PARD3: variants seen among roughly 807,000 people sequenced by gnomAD.
PARD3 encodes par-3 family cell polarity regulator, also known as partitioning defective 3 homolog.
A neutral mutation model predicts 155.4 loss-of-function variants in PARD3; 75 were observed. That is an observed-to-expected ratio of 0.48 (90% confidence interval 0.40 to 0.58). The LOEUF is 0.58. Among genes scored for constraint, PARD3 ranks in the 20% least tolerant of loss-of-function variants. The pLI is 0.00. For synonymous variants in PARD3, 576 were observed against 610.5 expected (o/e 0.94, Z 0.83); for missense variants, 1,642 against 1,721.7 (o/e 0.95, Z 0.82).
rs567724639 is a variant in PARD3 at position 34,340,762 on chromosome 10, A to G, written c.2408+865T>C. 3.9e-5 allele frequency among the ~76,000 whole-genome samples: 6 copies of G among 152,296 alleles called. No individual in the cohort carries two copies. In the South Asian group the frequency reaches 1.0e-3, roughly 26 times the overall value. On this transcript the variant is annotated intron_variant, in intron 16 of 24. Coordinates refer to ENST00000374788, the MANE Select transcript of PARD3 (RefSeq NM_001184785.2). ...AATGCCAGTCCCCCAGACACCTCCT[A>G]TCTAATATTTAATGTTGACACAAGC... is the stretch of plus-strand genomic sequence containing the variant.
intron 2 of PARD3, among the ~76,000 whole-genome samples, chr10:34,591,634 A>T (rs2088693193): frequency 6.6e-6 from 1 of 152,198 alleles, no homozygotes; most frequent in South Asian, 2.1e-4. Context: ...CAAGATAAAG[A>T]GGAGCCCACC....
intron 2 of PARD3, among the ~76,000 whole-genome samples, chr10:34,606,427 G>T (rs1002231347): frequency 6.6e-6 from 1 of 151,932 alleles, no homozygotes; most frequent in Non-Finnish European, 1.5e-5. Context: ...GCATGCTGTG[G>T]AGCATGATTT....
At chr10:34,196,870 A>C (rs1314686730) in intron 22 of PARD3, among the ~76,000 whole-genome samples, 1 of 152,110 alleles carries the variant, frequency 6.6e-6, no homozygotes, top group Non-Finnish European at 1.5e-5. Context: ...AATGTAGGTA[A>C]GAAGGAGACC....
chr10:34,516,050 A>G (rs1387654074), intron 3 of PARD3, among the ~76,000 whole-genome samples: 2 of 151,868 alleles, frequency 1.3e-5, no homozygotes, highest in East Asian at 3.9e-4. Context: ...TCCATCTCCA[A>G]CCTCCAATCG....
intron 22 of PARD3, among the ~76,000 whole-genome samples, chr10:34,257,159 C>T (rs1954695344): frequency 6.6e-6 from 1 of 152,184 alleles, no homozygotes; most frequent in Non-Finnish European, 1.5e-5. Context: ...AGCTCTAGAA[C>T]ATCTGGGAAG....
chr10:34,552,904 T>A (rs1018837976), intron 2 of PARD3, among the ~76,000 whole-genome samples: 5 of 152,200 alleles, frequency 3.3e-5, no homozygotes, highest in Non-Finnish European at 5.9e-5. Context: ...AAACTGTAAT[T>A]ACTTTTGCAC....
At chr10:34,393,021 C>T (rs763894457) in intron 7 of PARD3, among the ~76,000 whole-genome samples, 8 of 151,642 alleles carry the variant, frequency 5.3e-5, no homozygotes, top group Non-Finnish European at 1.0e-4. Context: ...TGCTTTCATG[C>T]TACAATGGCA....
intron 22 of PARD3, among the ~76,000 whole-genome samples, chr10:34,157,529 T>C (rs1382711354): frequency 2.0e-5 from 3 of 152,234 alleles, no homozygotes; most frequent in Non-Finnish European, 4.4e-5. Context: ...ATTTATATTC[T>C]CTGCACCTCC....
intron 2 of PARD3, among the ~76,000 whole-genome samples, chr10:34,672,179 A>T (rs1438316056): frequency 6.6e-6 from 1 of 152,170 alleles, no homozygotes; most frequent in African/African-American, 2.4e-5. Context: ...TCAAAAAAGA[A>T]TAACCTCTCT....
At chr10:34,265,337 C>G (rs1955247139) in intron 22 of PARD3, among the ~76,000 whole-genome samples, 1 of 152,184 alleles carries the variant, frequency 6.6e-6, no homozygotes. Flanking sequence ...GCCAAATTCA[C>G]CACATTTAAT....
chr10:34,808,790 C>T (rs1042408449), intron 1 of PARD3, among the ~76,000 whole-genome samples: 4 of 152,190 alleles, frequency 2.6e-5, no homozygotes, highest in Non-Finnish European at 5.9e-5. Context: ...AATATTCCCT[C>T]CACAACCAAT....
At chr10:34,227,866 A>ATATATC (rs1318761877) in intron 22 of PARD3, among the ~76,000 whole-genome samples, 3 of 126,238 alleles carry the variant, frequency 2.4e-5, no homozygotes, top group Non-Finnish European at 3.5e-5. Flanking sequence ...TTATATATAT[A>ATATATC]TATATATATA....
At chr10:34,473,456 G>C (rs2078494762) in intron 3 of PARD3, among the ~76,000 whole-genome samples, 1 of 151,994 alleles carries the variant, frequency 6.6e-6, no homozygotes, top group Non-Finnish European at 1.5e-5. Context: ...GGAGGCCAAA[G>C]TGGGAGAATT....
chr10:34,316,326 T>C (rs1297471834), intron 20 of PARD3, among the ~76,000 whole-genome samples: 2 of 152,174 alleles, frequency 1.3e-5, no homozygotes, highest in African/African-American at 4.8e-5. Flanking sequence ...ATGGGAGAGT[T>C]TCAGTGCAAC....
intron 2 of PARD3, among the ~76,000 whole-genome samples, chr10:34,604,777 C>T (rs1018802110): frequency 4.6e-5 from 7 of 151,636 alleles, no homozygotes; most frequent in African/African-American, 1.5e-4. Context: ...CTACTGAATG[C>T]GAATATACGG....
chr10:34,176,585 C>G (rs1014774209), intron 22 of PARD3, among the ~76,000 whole-genome samples: 1 of 152,140 alleles, frequency 6.6e-6, no homozygotes, highest in East Asian at 1.9e-4. Flanking sequence ...TGGGGCAGCT[C>G]CTGCCACCTG....
intron 2 of PARD3, among the ~76,000 whole-genome samples, chr10:34,558,638 T>G (rs1238258497): frequency 1.3e-5 from 2 of 152,132 alleles, no homozygotes; most frequent in African/African-American, 4.8e-5. Context: ...ATTACATAAA[T>G]GCACACTGCC....
chr10:34,611,273 C>T (rs1212550647), intron 2 of PARD3, among the ~76,000 whole-genome samples: 1 of 152,166 alleles, frequency 6.6e-6, no homozygotes, highest in African/African-American at 2.4e-5. Context: ...ACTTCTACAA[C>T]ATAAGGTAAC....
chr10:34,573,728 C>CAA (rs1180819671), intron 2 of PARD3, among the ~76,000 whole-genome samples: 402 of 91,676 alleles, frequency 4.4e-3, no homozygotes, highest in East Asian at 0.013. Flanking sequence ...AACAAACAAA[C>CAA]AAACAAAAAC....
Sources: allele counts gnomAD v4.1 joint callset (sites outside exome capture counted in the v4.1 genomes callset), GRCh38; gene constraint gnomAD v4.1.1; transcripts MANE v1.5; gene names NCBI Gene and HGNC (gene_info 2026-07-23, HGNC 2026-07-21).